Variants in PAPLN observed in about 807,000 individuals in gnomAD.
PAPLN encodes the protein papilin.
PAPLN carries 146 observed loss-of-function variants against 159.0 expected under a neutral mutation model. That is an observed-to-expected ratio of 0.92 (90% CI 0.80 to 1.05). The LOEUF (loss-of-function observed/expected upper bound fraction) is 1.05. Among genes scored for constraint, PAPLN ranks in the 50% least tolerant of loss-of-function variants. The pLI, the probability that PAPLN is intolerant of heterozygous loss-of-function variation, is 0.00. For synonymous variants in PAPLN, 734 were observed against 702.9 expected (o/e 1.04, Z -0.70); for missense variants, 1,720 against 1,743.9 (o/e 0.99, Z 0.24).
upstream of PAPLN, among the ~76,000 whole-genome samples, chr14:73,237,119 G>A (rs533562800): frequency 1.3e-5 from 2 of 152,336 alleles, no homozygotes; most frequent in African/African-American, 4.8e-5. Flanking sequence ...AGCAGCGTGT[G>A]CGGAGAAACT....
intron 14 of PAPLN, among the ~76,000 whole-genome samples, chr14:73,257,437 T>C (rs1199838936): frequency 1.3e-5 from 2 of 152,094 alleles, no homozygotes; most frequent in Non-Finnish European, 2.9e-5. Flanking sequence ...TTTTCTCTTA[T>C]GTAGCATTAA....
chr14:73,253,505 G>A (rs1885539041), intron 11 of PAPLN, among the ~76,000 whole-genome samples: 1 of 152,236 alleles, frequency 6.6e-6, no homozygotes, highest in African/African-American at 2.4e-5. Flanking sequence ...AAGGGGGATA[G>A]GGTTGAGGAC....
In PAPLN at chr14:73,260,525, C is replaced by T. The variant is rs180896010; in HGVS notation, c.1986-184C>T. ...GCCCTCCCTGGTAGCTGCTAAGAGT[C>T]GGTGGATTTAGGCAGAGATTGCGGC... is the stretch of plus-strand genomic sequence containing the variant. On this transcript the variant is annotated intron_variant, in intron 16 of 26. Coordinates refer to ENST00000644200, the MANE Select transcript of PAPLN (RefSeq NM_001365906.3). Among the ~76,000 whole-genome samples, 6 of 145,520 alleles carry T rather than the reference C, an allele frequency of 4.1e-5. No individual in the cohort carries two copies. In the South Asian group the frequency reaches 6.5e-4, roughly 16 times the overall value.
chr14:73,251,383 C>A, intron 7 of PAPLN, 103 bp from the exon 8 acceptor site: 2 of 1,239,230 alleles, frequency 1.6e-6, no homozygotes, highest in South Asian at 1.4e-5. Flanking sequence ...CTTGTGTACC[C>A]TCCCTGCCCC....
At chr14:73,264,076 C>A in intron 20 of PAPLN, 135 bp from the exon 21 acceptor site, 1 of 1,524,118 alleles carries the variant, frequency 6.6e-7, no homozygotes, top group Non-Finnish European at 8.9e-7. Context: ...GAAGCATATT[C>A]CCCCAGCCTC....
At chr14:73,240,350 A>G (rs1883406573) in intron 2 of PAPLN, among the ~76,000 whole-genome samples, 1 of 152,192 alleles carries the variant, frequency 6.6e-6, no homozygotes, top group South Asian at 2.1e-4. Flanking sequence ...TCCAATAGGT[A>G]GCCCCTAGGT....
intron 14 of PAPLN, among the ~76,000 whole-genome samples, chr14:73,258,380 T>G (rs1594810798): frequency 6.6e-6 from 1 of 152,188 alleles, no homozygotes; most frequent in East Asian, 1.9e-4. Flanking sequence ...TTGTTTGCCT[T>G]TCATCAGTCC....
intron 25 of PAPLN, among the ~76,000 whole-genome samples, chr14:73,267,278 C>CT (rs1464003458): frequency 1.3e-5 from 2 of 152,200 alleles, no homozygotes; most frequent in Non-Finnish European, 2.9e-5. Flanking sequence ...GCTTTGGGGA[C>CT]TTTGGTGGTC....
chr14:73,249,895 T>G (rs1885041519), intron 5 of PAPLN, 89 bp from the exon 6 acceptor site: 1 of 1,427,952 alleles, frequency 7.0e-7, no homozygotes, highest in Non-Finnish European at 9.2e-7. Context: ...TTCTGACCCA[T>G]GCTTTCCTGT....
intron 5 of PAPLN, among the ~76,000 whole-genome samples, chr14:73,248,910 C>T (rs928639048): frequency 3.9e-5 from 6 of 152,108 alleles, no homozygotes; most frequent in Admixed American, 3.3e-4. Context: ...GCAGGAGGAT[C>T]ATTTGAGCCC....
At chr14:73,244,397 C>T in intron 2 of PAPLN, 1 of 440,680 alleles carries the variant, frequency 2.3e-6, no homozygotes, top group Non-Finnish European at 4.1e-6. Flanking sequence ...AAACTCTTCC[C>T]AGCTGCTCCT....
chr14:73,264,887 G>A (rs1887059381), intron 22 of PAPLN, among the ~76,000 whole-genome samples, 161 bp downstream of exon 22: 1 of 152,254 alleles, frequency 6.6e-6, no homozygotes, highest in African/African-American at 2.4e-5. Flanking sequence ...CCAGAGCTGG[G>A]CCTCTTGAGG....
At position 73,251,584 on chromosome 14, in the gene PAPLN, G is replaced by A; in HGVS notation, c.670+18G>A. 12 of 1,613,168 alleles carry A rather than the reference G, an allele frequency of 7.4e-6. No individual in the cohort carries two copies. Among genetic ancestry groups the A allele is most frequent in the Non-Finnish European group, 1.0e-5 (12 of 1,179,888 alleles). ...CTTCCTGGGTGAGAGCCTAGGGTTA[G>A]GTCCTAGGCAGGTCTGGGGCTGCAG... On this transcript the variant is annotated intron_variant, in intron 8 of 26. Transcript: ENST00000644200.
intron 2 of PAPLN, among the ~76,000 whole-genome samples, chr14:73,242,392 C>G (rs1883662351): frequency 6.6e-6 from 1 of 152,224 alleles, no homozygotes. Flanking sequence ...GTGGATTTTG[C>G]TGGCTGCTGT....
At chr14:73,260,007 C>G (rs986370428) in intron 16 of PAPLN, among the ~76,000 whole-genome samples, 1 of 152,070 alleles carries the variant, frequency 6.6e-6, no homozygotes, top group Admixed American at 6.5e-5. Flanking sequence ...CCTTCTATGG[C>G]CTGCCCTGAA....
chr14:73,269,436 AG>A (rs1566711851), intron 26 of PAPLN, among the ~76,000 whole-genome samples: 1 of 152,236 alleles, frequency 6.6e-6, no homozygotes, highest in African/African-American at 2.4e-5. Flanking sequence ...ATTGCCTGTA[AG>A]ATGCATTATT....
At position 73,268,609 on chromosome 14, in the gene PAPLN, G is replaced by A. The variant is rs1302787090; in HGVS notation, c.3553G>A (p.Gly1185Ser). The change falls in exon 26 of 27, where the codon GGC becomes AGC. Residue 1185 changes from glycine to serine, a missense_variant. Coordinates refer to ENST00000644200, the MANE Select transcript of PAPLN (RefSeq NM_001365906.3). ...DGHRVHQSPD[G>S]TLLIYNLRAR... ...CCACCGTGTCCACCAGTCCCCAGAT[G>A]GCACGCTGCTCATTTACAACTTGCG... 1.2e-6 allele frequency: 2 copies of A among 1,613,964 alleles called. No homozygotes were observed. The highest frequency in any genetic ancestry group is 1.7e-5 in the Admixed American group (1 of 60,012).
At chr14:73,259,122 C>T in intron 15 of PAPLN, 63 bp downstream of exon 15, 1 of 1,554,588 alleles carries the variant, frequency 6.4e-7, no homozygotes, top group Non-Finnish European at 8.7e-7. Flanking sequence ...GTGGATGGTA[C>T]ATGGGGGTGT....
At chr14:73,238,565 C>T (rs554666039) in intron 1 of PAPLN, among the ~76,000 whole-genome samples, 6 of 152,382 alleles carry the variant, frequency 3.9e-5, no homozygotes, top group African/African-American at 1.4e-4. Flanking sequence ...CCCGTCTTTT[C>T]CTCAGCCTCG....
Sources: gnomAD v4.1 joint callset for allele counts (sites outside exome capture counted in the v4.1 genomes callset) on GRCh38, gnomAD v4.1.1 for gene constraint, MANE v1.5 for transcripts, NCBI Gene and HGNC (gene_info 2026-07-23, HGNC 2026-07-21) for gene names.